PRKDC: variants seen among roughly 807,000 people sequenced by gnomAD.
The protein encoded by PRKDC is DNA-dependent protein kinase catalytic subunit.
Under a neutral mutation model 486.9 loss-of-function variants are expected in PRKDC, and 82 were observed. The ratio of observed to expected loss-of-function variants is 0.17; its 90% confidence interval spans 0.14 to 0.20. PRKDC has a LOEUF of 0.20. Among genes scored for constraint, PRKDC ranks in the 10% least tolerant of loss-of-function variants. PRKDC has a pLI of 1.00. For missense variants in PRKDC, 4,504 were observed against 5,038.2 expected (o/e 0.89, Z 3.21); for synonymous variants, 1,895 against 1,837.0 (o/e 1.03, Z -0.81).
intron 70 of PRKDC, among the ~76,000 whole-genome samples, chr8:47,802,406 AC>A (rs1258389278): frequency 6.6e-6 from 1 of 151,882 alleles, no homozygotes; most frequent in Non-Finnish European, 1.5e-5. Flanking sequence ...GGGGGACCAA[AC>A]CCAAACCTGT....
chr8:47,789,360 A>G (rs978299028), intron 74 of PRKDC, 122 bp from the exon 75 acceptor site: 39 of 261,148 alleles, frequency 1.5e-4, no homozygotes, highest in Non-Finnish European at 2.4e-4. Context: ...TATGTTATAT[A>G]TAACTAAGTA....
intron 81 of PRKDC, 96 bp downstream of exon 81, chr8:47,778,908 T>A: frequency 2.8e-6 from 4 of 1,443,410 alleles, no homozygotes; most frequent in Non-Finnish European, 3.8e-6. Flanking sequence ...ATAATCTTGA[T>A]GATCTCTCTG....
At chr8:47,929,763 A>G in intron 18 of PRKDC, 90 bp downstream of exon 18, 6 of 1,324,660 alleles carry the variant, frequency 4.5e-6, no homozygotes, top group Non-Finnish European at 6.0e-6. Context: ...TTAAAACTGC[A>G]TAGGCCACAA....
At chr8:47,845,687 C>CA (rs374041700) in intron 54 of PRKDC, among the ~76,000 whole-genome samples, 25,392 of 131,244 alleles carry the variant, frequency 0.19, 2,564 homozygotes, top group Non-Finnish European at 0.25. Flanking sequence ...ACTTACCAAG[C>CA]AAAAAAAAAA....
At chr8:47,791,268 C>T (rs781297854) in intron 74 of PRKDC, among the ~76,000 whole-genome samples, 4 of 152,090 alleles carry the variant, frequency 2.6e-5, no homozygotes, top group Non-Finnish European at 4.4e-5. Context: ...CGAGGTCAGG[C>T]GTTCGAGACC....
Position 47,774,019 on chromosome 8 carries a change from A to G in PRKDC, c.*154T>C. The G allele has an allele frequency of 1.4e-6, 1 of 729,514 alleles. No individual in the cohort carries two copies. The highest frequency in any genetic ancestry group is 2.2e-6 in the Non-Finnish European group (1 of 459,062). The allele number at this position is 729,514 out of a possible 1,614,324, so 45.2% of individuals were successfully genotyped here. A position where few individuals can be genotyped will look rare whatever the true frequency, so the allele number is the denominator to read the frequency against. ...TTTAACCCATACACATTTACTCATC[A>G]TAATCTTGATTTAAACTCATGCTAC... On this transcript the variant is annotated 3_prime_UTR_variant, in exon 86 of 86. Coordinates refer to ENST00000314191, the MANE Select transcript of PRKDC (RefSeq NM_006904.7).
rs368983577 is a variant in PRKDC, at chr8:47,809,868, ACT to A, written c.9558-2544_9558-2543del. 3.8e-3 allele frequency among the ~76,000 whole-genome samples: 585 copies of A among 152,162 alleles called. 4 individuals carry two copies. The highest frequency in any genetic ancestry group is 0.025 in the South Asian group (121 of 4,822). On this transcript the variant is annotated intron_variant, in intron 68 of 85. Transcript: ENST00000314191. ...GAGCTTCCTGTTTCCTCTCTGTCTTACTCTCTTTTGCCCCTGTGGAGTGTGGT... is the reference window on the plus strand; with the variant it reads ...GAGCTTCCTGTTTCCTCTCTGTCTTACTCTTTTGCCCCTGTGGAGTGTGGT...
intron 58 of PRKDC, among the ~76,000 whole-genome samples, chr8:47,835,009 T>C (rs1190969417): frequency 1.3e-5 from 2 of 152,102 alleles, no homozygotes; most frequent in Non-Finnish European, 2.9e-5. Flanking sequence ...CTAATATTAG[T>C]GTCACAGAAT....
chr8:47,915,446 T>C (rs769636871), intron 22 of PRKDC, 28 bp from the exon 23 acceptor site: 23 of 1,248,732 alleles, frequency 1.8e-5, no homozygotes, highest in Non-Finnish European at 2.3e-5. Flanking sequence ...TGTATATATG[T>C]GATTACAAAT....
At chr8:47,954,248 C>T (rs1442884966) in intron 5 of PRKDC, 90 bp downstream of exon 5, 3 of 573,172 alleles carry the variant, frequency 5.2e-6, no homozygotes, top group Admixed American at 8.0e-5. Context: ...TAAAATAAGA[C>T]CTTGGTAGAG....
rs781667205 is a variant in PRKDC, at chr8:47,859,743, C to A, written c.6075G>T (p.Met2025Ile). Residue 2025 changes from methionine to isoleucine, a missense_variant, in exon 46 of 86, where the codon ATG (methionine) becomes ATT (isoleucine). Around this residue, in one of 6 missense-constraint regions of PRKDC, gnomAD observed 1,592 missense variants for 1,724.6 expected, o/e 0.92. Transcript: ENST00000314191. Reference sequence around the variant, plus strand: ...TGTCTGCCAAATATGACAGGGAAGACATATAGGAAGGACCATCTGAAATAT... The same window carrying A: ...TGTCTGCCAAATATGACAGGGAAGAAATATAGGAAGGACCATCTGAAATAT... ...ANGDSDGPSY[M>I]SSLSYLADST... 3.3e-5 allele frequency: 53 copies of A among 1,611,914 alleles called. No homozygotes were observed. The East Asian group carries it at 1.1e-3, about 34-fold the overall frequency.
chr8:47,843,954 T>C (rs551281732), intron 54 of PRKDC, among the ~76,000 whole-genome samples: 4 of 152,268 alleles, frequency 2.6e-5, no homozygotes, highest in African/African-American at 9.6e-5. Flanking sequence ...CTTAAGTACA[T>C]AGCCCACAGA....
rs397891351 is a variant in PRKDC, at chr8:47,825,504, C to CAAAA, written c.8783+1148_8783+1151dup. 9.3e-3 allele frequency among the ~76,000 whole-genome samples: 95 copies of CAAAA among 10,256 alleles called. 9 individuals are homozygous for CAAAA. The highest frequency in any genetic ancestry group is 0.021 in the African/African-American group (58 of 2,772). 6.7% of individuals were successfully genotyped at this position (10,256 alleles called of 152,430 possible). On this transcript the variant is annotated intron_variant, in intron 63 of 85. Transcript: ENST00000314191. ...AACTGGCGACAGAGCAAGACTGTCTCAAAAAAAAAAAAAAAAAAAAAAAAA... is the reference window on the plus strand; with the variant it reads ...AACTGGCGACAGAGCAAGACTGTCTCAAAAAAAAAAAAAAAAAAAAAAAAAAAAA...
intron 24 of PRKDC, 89 bp downstream of exon 24, chr8:47,913,812 T>C: frequency 8.1e-7 from 1 of 1,239,754 alleles, no homozygotes; most frequent in Non-Finnish European, 1.1e-6. Context: ...AATATTGGAA[T>C]GGCTGAAACA....
chr8:47,930,815 A>G, intron 16 of PRKDC, 28 bp from the exon 17 acceptor site: 1 of 1,527,260 alleles, frequency 6.5e-7, no homozygotes. Flanking sequence ...GCAAAGAAAC[A>G]TTGTACCATT....
intron 5 of PRKDC, among the ~76,000 whole-genome samples, 160 bp from the exon 6 acceptor site, chr8:47,954,079 G>A (rs1364807794): frequency 6.6e-6 from 1 of 152,136 alleles, no homozygotes; most frequent in Non-Finnish European, 1.5e-5. Flanking sequence ...TCTTTCCTAA[G>A]TTTTATGCAA....
chr8:47,848,353 G>A (rs1210783527), intron 54 of PRKDC, among the ~76,000 whole-genome samples: 2 of 152,188 alleles, frequency 1.3e-5, no homozygotes, highest in East Asian at 1.9e-4. Flanking sequence ...GCAGCTGGAG[G>A]CCACTGTCCT....
chr8:47,793,446 C>G (rs937286388), intron 74 of PRKDC, among the ~76,000 whole-genome samples: 1 of 151,626 alleles, frequency 6.6e-6, no homozygotes, highest in African/African-American at 2.4e-5. Context: ...TCGAGACCAG[C>G]CTGGCCAAGG....
chr8:47,863,327 T>C lies in PRKDC; in HGVS notation c.5750+72A>G, dbSNP rs2088720378. 38 of 1,268,872 alleles carry C rather than the reference T, an allele frequency of 3.0e-5. 1 individual carries two copies. Among genetic ancestry groups the C allele is most frequent in the Non-Finnish European group, 4.2e-5 (38 of 903,720 alleles). 78.6% of individuals were successfully genotyped at this position (1,268,872 alleles called of 1,614,324 possible). A position where few individuals can be genotyped will look rare whatever the true frequency, so the allele number is the denominator to read the frequency against. On this transcript the variant is annotated intron_variant, in intron 42 of 85. Transcript: ENST00000314191. ...AAATAAAATATTTATTCACACTATA[T>C]ACATACATAAAAATATATGTACCCA... is the stretch of plus-strand genomic sequence containing the variant.
Sources: gnomAD v4.1 joint callset for allele counts (sites outside exome capture counted in the v4.1 genomes callset) on GRCh38, gnomAD v4.1.1 for gene constraint, gnomAD v4.1.1 regional missense constraint, MANE v1.5 for transcripts, NCBI Gene and HGNC (gene_info 2026-07-23, HGNC 2026-07-21) for gene names.